Variants in ZC3H13 observed in about 807,000 individuals in gnomAD.
ZC3H13 encodes zinc finger CCCH domain-containing protein 13.
Under a neutral mutation model 204.1 loss-of-function variants are expected in ZC3H13, and 64 were observed. The observed-to-expected ratio is 0.31, with a 90% CI of 0.26 to 0.39. The LOEUF is 0.39. Ranked by LOEUF, ZC3H13 falls within the 10% of genes least tolerant of loss-of-function variation. The pLI, the probability that ZC3H13 is intolerant of heterozygous loss-of-function variation, is 1.00. For missense variants in ZC3H13, 1,833 were observed against 2,082.7 expected, an observed-to-expected ratio of 0.88 and a Z score of 2.33; for synonymous variants, 667 against 693.7, an observed-to-expected ratio of 0.96 and a Z score of 0.60.
intron 1 of ZC3H13, among the ~76,000 whole-genome samples, chr13:46,046,627 C>A (rs892562568): frequency 6.6e-6 from 1 of 150,996 alleles, no homozygotes; most frequent in Admixed American, 6.6e-5. Context: ...GAGATCACAC[C>A]ACCGCACTCC....
intron 4 of ZC3H13, among the ~76,000 whole-genome samples, chr13:46,041,527 C>T (rs548233008): frequency 3.6e-4 from 55 of 152,174 alleles, no homozygotes; most frequent in South Asian, 1.2e-3. Context: ...CTAAAAACCA[C>T]TGAGGCGTAC....
At chr13:46,009,330 T>C (rs945627664) in intron 7 of ZC3H13, among the ~76,000 whole-genome samples, 3 of 152,166 alleles carry the variant, frequency 2.0e-5, no homozygotes, top group South Asian at 2.1e-4. Flanking sequence ...AATAAATTAA[T>C]TGGAATTGTC....
intron 1 of ZC3H13, among the ~76,000 whole-genome samples, chr13:46,046,077 G>T (rs1221888037): frequency 2.0e-5 from 3 of 152,080 alleles, no homozygotes; most frequent in Non-Finnish European, 4.4e-5. Flanking sequence ...TTGCCTGACA[G>T]AAGTCAAAAC....
At chr13:46,049,368 G>T (rs573071158) in intron 1 of ZC3H13, among the ~76,000 whole-genome samples, 1 of 151,750 alleles carries the variant, frequency 6.6e-6, no homozygotes, top group Non-Finnish European at 1.5e-5. Flanking sequence ...TGTGTAAAAC[G>T]TCTGGTGAAA....
chr13:45,990,135 G>T (rs1336601501), intron 8 of ZC3H13, among the ~76,000 whole-genome samples: 1 of 152,014 alleles, frequency 6.6e-6, no homozygotes. Context: ...CGGAGGAGGG[G>T]GAGTGTCTTG....
rs1368183187 is a variant in ZC3H13 at position 46,009,245 on chromosome 13, A to G, written c.746+1103T>C. Among the ~76,000 whole-genome samples the G allele has an allele frequency of 3.3e-5, 5 of 152,164 alleles. No individual in the cohort carries two copies. In the East Asian group the frequency reaches 7.7e-4, roughly 23 times the overall value. The stretch of plus-strand genomic sequence containing the variant: ...AACTACTGACAAGAAAGAAAAGACC[A>G]AAGTGTAAATGTCATTCTAAGGAAT... On this transcript the variant is annotated intron_variant, in intron 7 of 18. Transcript: ENST00000679008.
chr13:46,012,203 T>C (rs1166836928), intron 5 of ZC3H13, among the ~76,000 whole-genome samples: 1 of 152,226 alleles, frequency 6.6e-6, no homozygotes, highest in Non-Finnish European at 1.5e-5. Flanking sequence ...TTTCCATTTA[T>C]ATTTTCTGAT....
At chr13:45,978,751 T>TA (rs1953287809) in intron 11 of ZC3H13, among the ~76,000 whole-genome samples, 1 of 151,366 alleles carries the variant, frequency 6.6e-6, no homozygotes, top group Non-Finnish European at 1.5e-5. Flanking sequence ...AAAAGAAATT[T>TA]AAAAAAAAGC....
chr13:45,989,078 G>T lies in ZC3H13; in HGVS notation c.964C>A (p.Gln322Lys). ...CTAGAAGATATAGGAGAATGATGCT[G>T]TCCTGCTGGGGAAGTAGACCTACAA... is the stretch of plus-strand genomic sequence containing the variant. ...DKPRSTSPAG[Q>K]HHSPISSRHH... The change falls in exon 9 of 19, where the codon CAG becomes AAG. Residue 322 changes from glutamine (Q) to lysine (K), a missense_variant. Gln to Lys is a moderately conservative substitution (Grantham distance 53). Transcript: ENST00000679008. The T allele has an allele frequency of 6.2e-7, 1 of 1,613,576 alleles. No individual in the cohort carries two copies. The highest frequency in any genetic ancestry group is 8.5e-7 in the Non-Finnish European group (1 of 1,179,540).
chr13:45,976,087 T>G, intron 11 of ZC3H13: 12 of 597,192 alleles, frequency 2.0e-5, no homozygotes, highest in Non-Finnish European at 2.5e-5. Flanking sequence ...CCTTCCCCCC[T>G]CCCACTGATC....
Position 45,969,562 on chromosome 13 carries a change from T to C in ZC3H13, c.2982A>G (p.Pro994=). The part of the protein sequence containing the change: ...TTSEDGQVFS[P]KKGQKKKSIE... ...TGCTTTTCTTTTTCTGTCCTTTTTT[T>C]GGTGAAAATACTTGACCATCTTCAG... The change falls in exon 14 of 19, where the codon CCA becomes CCG. Residue 994 remains proline (P), a synonymous_variant. Transcript: ENST00000679008. 3 of 1,609,728 alleles carry C rather than the reference T, an allele frequency of 1.9e-6. No individual in the cohort carries two copies. Among genetic ancestry groups the C allele is most frequent in the Non-Finnish European group, 2.5e-6 (3 of 1,178,968 alleles).
intron 5 of ZC3H13, 73 bp from the exon 6 acceptor site, chr13:46,011,627 CA>C: frequency 4.1e-6 from 5 of 1,223,276 alleles, no homozygotes; most frequent in Non-Finnish European, 5.6e-6. Flanking sequence ...AGACTTTTTT[CA>C]ACTAATTTCT....
intron 4 of ZC3H13, among the ~76,000 whole-genome samples, chr13:46,032,311 T>G (rs566072950): frequency 7.7e-6 from 1 of 129,290 alleles, no homozygotes; most frequent in African/African-American, 2.9e-5. Flanking sequence ...ATATCTTAAG[T>G]AAAATATTTT....
chr13:46,031,737 A>G (rs2042912125), intron 4 of ZC3H13, among the ~76,000 whole-genome samples: 1 of 152,228 alleles, frequency 6.6e-6, no homozygotes, highest in African/African-American at 2.4e-5. Flanking sequence ...ATACCACTAC[A>G]CACCTATCTG....
At chr13:46,033,307 A>G (rs1467982410) in intron 4 of ZC3H13, among the ~76,000 whole-genome samples, 1 of 152,116 alleles carries the variant, frequency 6.6e-6, no homozygotes, top group East Asian at 1.9e-4. Flanking sequence ...ATTTGACTAT[A>G]TATTCCTAAT....
At position 45,989,930 on chromosome 13, in the gene ZC3H13, TCAAAG is replaced by T. The variant is rs1207002869; in HGVS notation, c.945-838_945-834del. On this transcript the variant is annotated intron_variant, in intron 8 of 18. Transcript: ENST00000679008. ...CTAGACATGCCCAGATAAATATTCCTCAAAGCAATCATCTCAAGAGCTAAAAGCTT... is the reference window on the plus strand; with the variant it reads ...CTAGACATGCCCAGATAAATATTCCTCAATCATCTCAAGAGCTAAAAGCTT... Among the ~76,000 whole-genome samples the T allele has an allele frequency of 3.3e-5, 5 of 152,212 alleles. No homozygotes were observed. The East Asian group carries it at 9.6e-4, about 29-fold the overall frequency.
intron 8 of ZC3H13, among the ~76,000 whole-genome samples, chr13:45,989,507 C>T (rs1402497825): frequency 6.6e-6 from 1 of 152,168 alleles, no homozygotes; most frequent in African/African-American, 2.4e-5. Flanking sequence ...TTGAGAATGC[C>T]TGTAAATTCA....
Position 46,008,128 on chromosome 13 carries a change from A to C in ZC3H13, c.746+2220T>G, listed in dbSNP as rs1293588737. Among the ~76,000 whole-genome samples the C allele has an allele frequency of 2.0e-5, 3 of 152,112 alleles. No individual in the cohort carries two copies. The East Asian group carries it at 5.8e-4, about 29-fold the overall frequency. On this transcript the variant is annotated intron_variant, in intron 7 of 18. Transcript: ENST00000679008. ...ATGATAACCTAGTAAGACCACCAAG[A>C]AATTTGTTTACCTGATTATCACACC...
intron 5 of ZC3H13, among the ~76,000 whole-genome samples, chr13:46,015,006 T>G (rs1368748072): frequency 6.6e-6 from 1 of 152,200 alleles, no homozygotes; most frequent in African/African-American, 2.4e-5. Flanking sequence ...AAAACAAGAC[T>G]TATATGAACA....
Sources: gnomAD v4.1 joint callset for allele counts (sites outside exome capture counted in the v4.1 genomes callset) on GRCh38, gnomAD v4.1.1 for gene constraint, MANE v1.5 for transcripts, NCBI Gene and HGNC (gene_info 2026-07-23, HGNC 2026-07-21) for gene names.